The following GALNT17 variants were observed in gnomAD, a reference collection of about 807,000 sequenced individuals.
The protein encoded by GALNT17 is UDP-GalNAc:polypeptide N-acetylgalactosaminyltransferase-like 3.
GALNT17 carries 29 observed loss-of-function variants against 63.7 expected under a neutral mutation model. The ratio of observed to expected loss-of-function variants is 0.46; its 90% CI spans 0.34 to 0.62. The LOEUF (loss-of-function observed/expected upper bound fraction) is 0.62, where lower values mean the gene tolerates loss of function less well. GALNT17 is among the 20% of genes least tolerant of loss of function. The pLI is 0.01. For synonymous variants in GALNT17, 305 were observed against 318.3 expected (o/e 0.96, Z 0.45); for missense variants, 603 against 799.6 (o/e 0.75, Z 2.97).
At chr7:71,450,931 CTTTTTT>C (rs5884839) in intron 5 of GALNT17, among the ~76,000 whole-genome samples, 171 of 147,520 alleles carry the variant, frequency 1.2e-3, no homozygotes, top group African/African-American at 4.1e-3. Flanking sequence ...TTTTTTTATT[CTTTTTT>C]TTTTTTATTA....
chr7:71,265,869 T>G (rs1174025712), intron 1 of GALNT17, among the ~76,000 whole-genome samples: 2 of 152,218 alleles, frequency 1.3e-5, no homozygotes, highest in Admixed American at 6.5e-5. Context: ...AATGGCTTCA[T>G]AGTGGCATAA....
At chr7:71,198,547 T>G (rs952788559) in intron 1 of GALNT17, among the ~76,000 whole-genome samples, 1 of 152,242 alleles carries the variant, frequency 6.6e-6, no homozygotes, top group Non-Finnish European at 1.5e-5. Context: ...TAACCTGGAC[T>G]ACCAGTAAGT....
chr7:71,547,857 A>G (rs904290677), intron 5 of GALNT17, among the ~76,000 whole-genome samples: 1 of 152,122 alleles, frequency 6.6e-6, no homozygotes, highest in Non-Finnish European at 1.5e-5. Context: ...AGTTGTACAC[A>G]GTGATTTTTT....
At chr7:71,134,934 T>C (rs1397674076) in intron 1 of GALNT17, among the ~76,000 whole-genome samples, 58 of 137,462 alleles carry the variant, frequency 4.2e-4, no homozygotes, top group Non-Finnish European at 6.1e-5. Context: ...TCACTGAAGC[T>C]TCAAACTCCT....
chr7:71,207,253 T>C lies in GALNT17; in HGVS notation c.238+74213T>C, dbSNP rs374204306. 8.5e-5 allele frequency among the ~76,000 whole-genome samples: 13 copies of C among 152,360 alleles called. No homozygotes were observed. In the East Asian group the frequency reaches 1.4e-3, roughly 16 times the overall value. ...AAGTAAGCCACGTATGTTTATATTT[T>C]AATGTGCTCTCAATGGCCTTCTCAT... is the stretch of plus-strand genomic sequence containing the variant. On this transcript the variant is annotated intron_variant, in intron 1 of 10. Coordinates refer to ENST00000333538, the MANE Select transcript of GALNT17 (RefSeq NM_022479.3).
intron 9 of GALNT17, among the ~76,000 whole-genome samples, chr7:71,698,689 A>G (rs1284605400): frequency 6.6e-6 from 1 of 152,152 alleles, no homozygotes; most frequent in African/African-American, 2.4e-5. Context: ...AGGCAAGTAG[A>G]GGAGAAAGAA....
chr7:71,137,911 A>C (rs1253346358), intron 1 of GALNT17, among the ~76,000 whole-genome samples: 1 of 152,208 alleles, frequency 6.6e-6, no homozygotes, highest in Non-Finnish European at 1.5e-5. Context: ...GACTCCCCCA[A>C]AACTTAACTG....
rs945782455 is a variant in GALNT17 at position 71,572,511 on chromosome 7, A to T, written c.1080+1109A>T. 2.2e-5 allele frequency among the ~76,000 whole-genome samples: 3 copies of T among 134,246 alleles called. 1 individual carries two copies. The South Asian group carries it at 7.6e-4, about 34-fold the overall frequency. 88.1% of individuals were successfully genotyped at this position (134,246 alleles called of 152,430 possible). On this transcript the variant is annotated intron_variant, in intron 6 of 10. Transcript: ENST00000333538. Reference sequence around the variant, plus strand: ...AGCAAGACCCTGTCTCATTAAAAAAAAAAAAAAAAAAAAAAAAAACTACAT... The same window carrying T: ...AGCAAGACCCTGTCTCATTAAAAAATAAAAAAAAAAAAAAAAAAACTACAT...
At chr7:71,338,454 TCAAGTCTG>T (rs1419708885) in intron 2 of GALNT17, among the ~76,000 whole-genome samples, 2 of 151,836 alleles carry the variant, frequency 1.3e-5, no homozygotes, top group African/African-American at 4.8e-5. Context: ...GTCTGGGAGG[TCAAGTCTG>T]CAGTAAGCCA....
intron 6 of GALNT17, among the ~76,000 whole-genome samples, chr7:71,577,253 A>G (rs1248487564): frequency 1.3e-5 from 2 of 152,170 alleles, no homozygotes; most frequent in Non-Finnish European, 1.5e-5. Flanking sequence ...AAAACTACCT[A>G]TTGGGTACTA....
intron 4 of GALNT17, 103 bp downstream of exon 4, chr7:71,416,166 A>C (rs1258258331): frequency 7.6e-7 from 1 of 1,319,198 alleles, no homozygotes; most frequent in Non-Finnish European, 1.0e-6. Context: ...CTGTAGTGGC[A>C]CTGGGAGACT....
intron 6 of GALNT17, among the ~76,000 whole-genome samples, chr7:71,576,806 G>A (rs1419848436): frequency 6.6e-6 from 1 of 152,142 alleles, no homozygotes; most frequent in Non-Finnish European, 1.5e-5. Context: ...GACCTCAAGT[G>A]ATCTGCCCGC....
chr7:71,236,407 A>G (rs895686636), intron 1 of GALNT17, among the ~76,000 whole-genome samples: 36 of 152,202 alleles, frequency 2.4e-4, no homozygotes, highest in African/African-American at 8.7e-4. Flanking sequence ...GGTTTCAGCA[A>G]TACCATTGTC....
Position 71,132,757 on chromosome 7 carries a change from G to A in GALNT17, c.-46G>A, listed in dbSNP as rs772847611. On this transcript the variant is annotated 5_prime_UTR_variant, in exon 1 of 11. Coordinates refer to ENST00000333538, the MANE Select transcript of GALNT17 (RefSeq NM_022479.3). ...CCTGGCTGCCCCGCGCCTCGCCGGA[G>A]CCCGAGGGGGCGCAGGTCCGGGGCG... The A allele has an allele frequency of 1.1e-5, 16 of 1,509,646 alleles. No individual in the cohort carries two copies. In the East Asian group the frequency reaches 3.7e-4, roughly 35 times the overall value. The allele number at this position is 1,509,646 out of a possible 1,614,324, so 93.5% of individuals were successfully genotyped here. A position where few individuals can be genotyped will look rare whatever the true frequency, so the allele number is the denominator to read the frequency against.
intron 1 of GALNT17, among the ~76,000 whole-genome samples, chr7:71,286,765 TTTTTTGTTTGTTATG>T (rs898791280): frequency 2.3e-4 from 34 of 151,070 alleles, no homozygotes; most frequent in Non-Finnish European, 4.6e-4. Context: ...TTTTTTTTCT[TTTTTTGTTTGTTATG>T]TTTTTGTTTG....
chr7:71,421,363 C>G (rs1468135474), intron 5 of GALNT17, among the ~76,000 whole-genome samples: 1 of 152,220 alleles, frequency 6.6e-6, no homozygotes, highest in Non-Finnish European at 1.5e-5. Context: ...AATGTTCACA[C>G]TTCTTTATTC....
intron 2 of GALNT17, among the ~76,000 whole-genome samples, chr7:71,377,095 AAAAAATAAAAAT>A (rs1225967281): frequency 9.0e-5 from 6 of 66,522 alleles, no homozygotes; most frequent in African/African-American, 1.9e-4. Context: ...CAAAAAAAAA[AAAAAATAAAAAT>A]AAAAAAAATA....
chr7:71,666,506 C>T (rs867082130), intron 7 of GALNT17, among the ~76,000 whole-genome samples: 52 of 151,772 alleles, frequency 3.4e-4, no homozygotes, highest in African/African-American at 1.2e-3. Flanking sequence ...AACCGTCACC[C>T]GATCAGTATA....
intron 9 of GALNT17, among the ~76,000 whole-genome samples, chr7:71,692,760 A>C (rs893900217): frequency 1.3e-5 from 2 of 149,266 alleles, no homozygotes; most frequent in Non-Finnish European, 3.0e-5. Flanking sequence ...TATTTTTGAG[A>C]AGGAATCTCA....
Sources: gnomAD v4.1 joint callset for allele counts (sites outside exome capture counted in the v4.1 genomes callset) on GRCh38, gnomAD v4.1.1 for gene constraint, MANE v1.5 for transcripts, NCBI Gene and HGNC (gene_info 2026-07-23, HGNC 2026-07-21) for gene names.